Variants in BCAS3 observed in about 807,000 individuals in gnomAD.
The protein encoded by BCAS3 is BCAS4/BCAS3 fusion.
BCAS3 carries 53 observed loss-of-function variants against 116.1 expected under a neutral mutation model. The ratio of observed to expected loss-of-function variants is 0.46; its 90% CI spans 0.37 to 0.57. The LOEUF (loss-of-function observed/expected upper bound fraction) is 0.57. Among genes scored for constraint, BCAS3 ranks in the 20% least tolerant of loss-of-function variants. The pLI, the probability that BCAS3 is intolerant of heterozygous loss-of-function variation, is 0.00. For synonymous variants in BCAS3, 391 were observed against 408.2 expected, an observed-to-expected ratio of 0.96 and a Z score of 0.51; for missense variants, 917 against 1,165.4, an observed-to-expected ratio of 0.79 and a Z score of 3.10.
At position 61,205,547 on chromosome 17, in the gene BCAS3, T is replaced by C. The variant is rs1012184683; in HGVS notation, c.2425+120983T>C. On this transcript the variant is annotated intron_variant, in intron 22 of 23. Coordinates refer to ENST00000407086, the MANE Select transcript of BCAS3 (RefSeq NM_017679.5). The surrounding 1 kb of genome is among the most constrained non-coding windows in gnomAD (Gnocchi z 5.2). Reference sequence around the variant, plus strand: ...ACTTCCAGGACTCAAGACAGTCTCCTCAGCCATAATGTCATTGACCTTGAC... The same window carrying C: ...ACTTCCAGGACTCAAGACAGTCTCCCCAGCCATAATGTCATTGACCTTGAC... Among the ~76,000 whole-genome samples the C allele has an allele frequency of 3.3e-5, 5 of 152,224 alleles. No individual in the cohort carries two copies. Among genetic ancestry groups the C allele is most frequent in the Admixed American group, 6.5e-5 (1 of 15,286 alleles).
At position 61,381,667 on chromosome 17, in the gene BCAS3, G is replaced by T. The variant is rs1213760513; in HGVS notation, c.2594-10310G>T. ...TCTGGAAACCGAAAAAGCTCTTCCT[G>T]TTTAGAGCCAGGTCAGTGACATTGG... On this transcript the variant is annotated intron_variant, in intron 23 of 23. Transcript: ENST00000407086. This position sits in a 1 kb window ranked among gnomAD's most constrained non-coding sequence, Gnocchi z 6.0. Among the ~76,000 whole-genome samples the T allele has an allele frequency of 6.6e-6, 1 of 151,972 alleles. No homozygotes were observed.
At chr17:60,756,951 T>C (rs1472884112) in intron 6 of BCAS3, among the ~76,000 whole-genome samples, 1 of 151,912 alleles carries the variant, frequency 6.6e-6, no homozygotes, top group Non-Finnish European at 1.5e-5. Flanking sequence ...GATCACGAGG[T>C]CAAGAGATCA....
intron 22 of BCAS3, among the ~76,000 whole-genome samples, chr17:61,296,191 T>A (rs141508414): frequency 2.0e-3 from 299 of 152,324 alleles, no homozygotes; most frequent in African/African-American, 6.7e-3. Context: ...TTCCATACTC[T>A]CTCATTCTTC....
intron 6 of BCAS3, among the ~76,000 whole-genome samples, chr17:60,766,670 G>T (rs764462032): frequency 2.0e-5 from 3 of 152,226 alleles, no homozygotes; most frequent in African/African-American, 7.2e-5. Context: ...ACTTGAGGAG[G>T]CAGTCTGTCT....
At chr17:61,060,703 G>A (rs2069926822) in intron 19 of BCAS3, among the ~76,000 whole-genome samples, 1 of 152,180 alleles carries the variant, frequency 6.6e-6, no homozygotes, top group African/African-American at 2.4e-5. Flanking sequence ...ATAGTACACA[G>A]TTAGTTGTAT....
chr17:61,260,266 C>A (rs1024674740), intron 22 of BCAS3, among the ~76,000 whole-genome samples: 9 of 152,170 alleles, frequency 5.9e-5, no homozygotes, highest in Non-Finnish European at 8.8e-5. Flanking sequence ...TAGAGCATTA[C>A]CCAATATGAA....
chr17:60,985,486 A>C (rs994220233), intron 14 of BCAS3, among the ~76,000 whole-genome samples: 1 of 152,104 alleles, frequency 6.6e-6, no homozygotes, highest in East Asian at 1.9e-4. Context: ...TATATGATTA[A>C]GTTATTATTG....
chr17:60,870,720 A>G (rs147083191), intron 8 of BCAS3, among the ~76,000 whole-genome samples: 189 of 152,324 alleles, frequency 1.2e-3, no homozygotes, highest in African/African-American at 4.4e-3. Flanking sequence ...CAACCTCTAT[A>G]GACATGTGAC....
rs574205977 is a variant in BCAS3, at chr17:61,130,147, A to C, written c.2425+45583A>C. On this transcript the variant is annotated intron_variant, in intron 22 of 23. Transcript: ENST00000407086. The surrounding 1 kb of genome is among the most constrained non-coding windows in gnomAD (Gnocchi z 5.0). ...TGTTGTAATCACATATTTGGTGGAC[A>C]GCTAAAAGACCCACTTTCACCTTAA... 1.2e-4 allele frequency among the ~76,000 whole-genome samples: 18 copies of C among 152,346 alleles called. No individual in the cohort carries two copies. Among genetic ancestry groups the C allele is most frequent in the African/African-American group, 3.6e-4 (15 of 41,588 alleles).
In BCAS3 at chr17:61,038,021, T is replaced by C. The variant is rs956225332; in HGVS notation, c.1895T>C (p.Met632Thr). The change falls in exon 18 of 24, where the codon ATG becomes ACG. Residue 632 changes from methionine (M) to threonine (T), a missense_variant. By Grantham distance (81) the Met-to-Thr change is moderately conservative. Coordinates refer to ENST00000407086, the MANE Select transcript of BCAS3 (RefSeq NM_017679.5). ...AGTGACGACACACCACTGGAAATGATGACATCGCCTCGAGCCAGCTGGACT... is the reference window on the plus strand; with the variant it reads ...AGTGACGACACACCACTGGAAATGACGACATCGCCTCGAGCCAGCTGGACT... ...KISDDTPLEM[M>T]TSPRASWTLV... The C allele has an allele frequency of 7.4e-6, 12 of 1,614,014 alleles. No individual in the cohort carries two copies. In the Admixed American group the frequency reaches 1.8e-4, roughly 25 times the overall value.
At chr17:60,979,525 A>G (rs1285403860) in intron 14 of BCAS3, among the ~76,000 whole-genome samples, 1 of 148,872 alleles carries the variant, frequency 6.7e-6, no homozygotes, top group African/African-American at 2.6e-5. Flanking sequence ...AGAACTTCCA[A>G]CACTATGTTG....
intron 10 of BCAS3, among the ~76,000 whole-genome samples, chr17:60,894,176 G>A (rs1043996510): frequency 3.3e-5 from 5 of 151,958 alleles, no homozygotes; most frequent in Admixed American, 1.3e-4. Context: ...TGGCCAGTAT[G>A]GTCATTTAAA....
intron 22 of BCAS3, chr17:61,245,218 TCTCGTGAGAACCAA>T (rs934053209): frequency 1.3e-5 from 2 of 151,772 alleles, no homozygotes; most frequent in African/African-American, 4.8e-5. Flanking sequence ...AACCATCAGA[TCTCGTGAGAACCAA>T]CTCACTAAAA....
chr17:61,280,870 A>T (rs2051182329), intron 22 of BCAS3, among the ~76,000 whole-genome samples: 1 of 152,198 alleles, frequency 6.6e-6, no homozygotes, highest in Non-Finnish European at 1.5e-5. Flanking sequence ...GACCCTTAAC[A>T]GGTTGAAGGC....
Position 61,265,799 on chromosome 17 carries a change from T to TA in BCAS3, c.2426-102518dup, listed in dbSNP as rs542433106. Among the ~76,000 whole-genome samples, 33 of 149,972 alleles carry TA rather than the reference T, an allele frequency of 2.2e-4. No individual in the cohort carries two copies. Among genetic ancestry groups the TA allele is most frequent in the Non-Finnish European group, 2.7e-4 (18 of 67,418 alleles). ...ATGACCATGGACCTTACCTTTGTTC[T>TA]AAAAAAAAAATCTTTGACTCCACCA... On this transcript the variant is annotated intron_variant, in intron 22 of 23. Transcript: ENST00000407086. This position sits in a 1 kb window ranked among gnomAD's most constrained non-coding sequence, Gnocchi z 4.3.
chr17:60,945,636 A>C (rs186251008), intron 13 of BCAS3, among the ~76,000 whole-genome samples: 1 of 151,266 alleles, frequency 6.6e-6, no homozygotes, highest in African/African-American at 2.4e-5. Flanking sequence ...CTCCATCTCT[A>C]CTAAAAATAC....
chr17:61,089,257 A>G (rs990439186), intron 22 of BCAS3, among the ~76,000 whole-genome samples: 5 of 152,088 alleles, frequency 3.3e-5, no homozygotes, highest in Non-Finnish European at 7.4e-5. Flanking sequence ...TTTTATAATG[A>G]TCATTTATGC....
chr17:60,816,323 G>GGAGT (rs1249013278), intron 7 of BCAS3, among the ~76,000 whole-genome samples: 3 of 141,516 alleles, frequency 2.1e-5, no homozygotes, highest in Non-Finnish European at 4.5e-5. Context: ...TCGCCAGACT[G>GGAGT]GAGTGCAGTG....
At chr17:61,232,871 T>G (rs1219245146) in intron 22 of BCAS3, among the ~76,000 whole-genome samples, 1 of 152,242 alleles carries the variant, frequency 6.6e-6, no homozygotes, top group Non-Finnish European at 1.5e-5. Context: ...TGCTTATCTA[T>G]TTAGCAGGCT....
Sources: gnomAD v4.1 joint callset for allele counts (sites outside exome capture counted in the v4.1 genomes callset) on GRCh38, gnomAD v4.1.1 for gene constraint, Gnocchi (gnomAD v3.1) non-coding constraint, MANE v1.5 for transcripts, NCBI Gene and HGNC (gene_info 2026-07-23, HGNC 2026-07-21) for gene names.